SLC15A1: variants seen among roughly 807,000 people sequenced by gnomAD.
SLC15A1 encodes solute carrier family 15 member 1.
In SLC15A1, 83 loss-of-function variants were observed where a neutral mutation model predicts 92.9. The observed-to-expected ratio is 0.89, with a 90% CI of 0.75 to 1.07. SLC15A1 has a LOEUF of 1.07. Among genes scored for constraint, SLC15A1 ranks in the 50% least tolerant of loss-of-function variants. The pLI, the probability that SLC15A1 is intolerant of heterozygous loss-of-function variation, is 0.00. For missense variants in SLC15A1, 857 were observed against 880.1 expected (o/e 0.97, Z 0.33); for synonymous variants, 322 against 318.2 (o/e 1.01, Z -0.13).
At chr13:98,696,434 A>C (rs79581739) in intron 18 of SLC15A1, among the ~76,000 whole-genome samples, 14,658 of 145,798 alleles carry the variant, frequency 0.1, 1,795 homozygotes, top group African/African-American at 0.29. Context: ...ACAACAACAA[A>C]AAAAAACCCA....
intron 1 of SLC15A1, among the ~76,000 whole-genome samples, chr13:98,743,107 A>G (rs1225795217): frequency 6.6e-6 from 1 of 152,124 alleles, no homozygotes; most frequent in African/African-American, 2.4e-5. Flanking sequence ...CACTGCTCAT[A>G]TTGAATTAGG....
chr13:98,729,007 C>CAAAA (rs1176117196), intron 1 of SLC15A1, among the ~76,000 whole-genome samples: 3 of 69,654 alleles, frequency 4.3e-5, no homozygotes, highest in Non-Finnish European at 8.7e-5. Context: ...AAAAAAAAAA[C>CAAAA]AACAAGCCCC....
chr13:98,741,383 C>T (rs1294066267), intron 1 of SLC15A1, among the ~76,000 whole-genome samples: 6 of 152,140 alleles, frequency 3.9e-5, no homozygotes, highest in Non-Finnish European at 5.9e-5. Context: ...GAGGCCAAGG[C>T]GGAGGGATCA....
chr13:98,697,387 C>A (rs2088031352), intron 18 of SLC15A1, among the ~76,000 whole-genome samples: 2 of 152,214 alleles, frequency 1.3e-5, no homozygotes, highest in Non-Finnish European at 2.9e-5. Flanking sequence ...ATAAGCTACT[C>A]AGCCTGTACT....
At chr13:98,733,822 C>G (rs2088368694) in intron 1 of SLC15A1, among the ~76,000 whole-genome samples, 1 of 152,166 alleles carries the variant, frequency 6.6e-6, no homozygotes, top group Non-Finnish European at 1.5e-5. Flanking sequence ...ATGTATGTCC[C>G]CACCAAAATC....
At chr13:98,705,141 G>T (rs1425805171) in intron 16 of SLC15A1, among the ~76,000 whole-genome samples, 1 of 149,840 alleles carries the variant, frequency 6.7e-6, no homozygotes, top group African/African-American at 2.5e-5. Flanking sequence ...AGAGGTTACA[G>T]TGAGCCAAGA....
chr13:98,708,281 G>A (rs2088131864), intron 15 of SLC15A1, among the ~76,000 whole-genome samples: 2 of 152,146 alleles, frequency 1.3e-5, no homozygotes, highest in African/African-American at 4.8e-5. Flanking sequence ...TGGATTAACT[G>A]AGAAACCAAT....
At position 98,702,441 on chromosome 13, in the gene SLC15A1, G is replaced by A. The variant is rs8187826; in HGVS notation, c.1466+39C>T. 4,264 of 1,390,604 alleles carry A rather than the reference G, an allele frequency of 3.1e-3. 116 individuals carry two copies. In the African/African-American group the frequency reaches 0.054, roughly 18 times the overall value. The allele number at this position is 1,390,604 out of a possible 1,614,324, so 86.1% of individuals were successfully genotyped here. ...CTATGGGTATGCATTACTTTCATAA[G>A]AATCTGATAAAACTTAAATTTTAAA... On this transcript the variant is annotated intron_variant, in intron 18 of 22. Transcript: ENST00000376503.
At chr13:98,750,019 A>T (rs1270236806) in intron 1 of SLC15A1, among the ~76,000 whole-genome samples, 3 of 152,030 alleles carry the variant, frequency 2.0e-5, no homozygotes, top group South Asian at 4.2e-4. Flanking sequence ...TCCAGAAGAG[A>T]CTGTCGACCA....
intron 16 of SLC15A1, among the ~76,000 whole-genome samples, chr13:98,705,351 CTG>C (rs2088104518): frequency 6.6e-6 from 1 of 152,118 alleles, no homozygotes; most frequent in Non-Finnish European, 1.5e-5. Flanking sequence ...ATCCTTGGCA[CTG>C]TGAACATTTG....
intron 1 of SLC15A1, among the ~76,000 whole-genome samples, chr13:98,747,436 C>T (rs902299624): frequency 2.0e-5 from 3 of 152,188 alleles, no homozygotes; most frequent in African/African-American, 7.2e-5. Context: ...ACCAGGCCCC[C>T]AGTCATCAGC....
In SLC15A1 at chr13:98,706,145, G is replaced by T; in HGVS notation, c.1258C>A (p.Pro420Thr). ...SLPGEMVTLG[P>T]MSQTNAFMTF... Reference sequence around the variant, plus strand: ...TTCCTTCTACTTACTTGAGACATTGGGCCAAGTGTCACCATCTCTCCAGGA... The same window carrying T: ...TTCCTTCTACTTACTTGAGACATTGTGCCAAGTGTCACCATCTCTCCAGGA... The change falls in exon 16 of 23, where the codon CCA (proline) becomes ACA (threonine). Residue 420 changes from proline to threonine, a missense_variant. Pro to Thr is a conservative substitution (Grantham distance 38). Coordinates refer to ENST00000376503, the MANE Select transcript of SLC15A1 (RefSeq NM_005073.4). 6.2e-7 allele frequency: 1 copy of T among 1,610,752 alleles called. No homozygotes were observed. Among genetic ancestry groups the T allele is most frequent in the South Asian group, 1.1e-5 (1 of 90,078 alleles).
At chr13:98,735,314 C>G (rs572140134) in intron 1 of SLC15A1, among the ~76,000 whole-genome samples, 21 of 152,260 alleles carry the variant, frequency 1.4e-4, no homozygotes, top group East Asian at 1.2e-3. Context: ...TCTCAATAAA[C>G]TAGGTATTGA....
In SLC15A1 at chr13:98,688,370, GA is replaced by G. The variant is rs2087948333; in HGVS notation, c.1575-15del. ...GTGAAGCCTTTTCTATCAAAATAAA[GA>G]ATAATATTGGTTAACATTCTTGGCA... On this transcript the variant is annotated splice_polypyrimidine_tract_variant and intron_variant, in intron 19 of 22. Transcript: ENST00000376503. 4 of 1,609,322 alleles carry G rather than the reference GA, an allele frequency of 2.5e-6. No homozygotes were observed. The highest frequency in any genetic ancestry group is 2.5e-6 in the Non-Finnish European group (3 of 1,176,738).
chr13:98,727,217 G>A (rs1265103768), intron 1 of SLC15A1, among the ~76,000 whole-genome samples: 1 of 152,118 alleles, frequency 6.6e-6, no homozygotes, highest in East Asian at 1.9e-4. Flanking sequence ...TGTTTTGGTG[G>A]GGATGAAATT....
intron 8 of SLC15A1, among the ~76,000 whole-genome samples, chr13:98,717,258 T>A (rs1282686913): frequency 6.6e-6 from 1 of 152,220 alleles, no homozygotes; most frequent in Non-Finnish European, 1.5e-5. Flanking sequence ...AAGAGATGTT[T>A]ACTTATATTC....
intron 18 of SLC15A1, among the ~76,000 whole-genome samples, chr13:98,699,237 G>A (rs1187443488): frequency 1.3e-5 from 2 of 152,164 alleles, no homozygotes; most frequent in Non-Finnish European, 2.9e-5. Flanking sequence ...GACTGGGCAA[G>A]AGAACAATTT....
intron 15 of SLC15A1, among the ~76,000 whole-genome samples, chr13:98,707,492 GA>G (rs1374214328): frequency 6.6e-6 from 1 of 152,214 alleles, no homozygotes; most frequent in African/African-American, 2.4e-5. Context: ...TGGGGCTAGG[GA>G]AAGGGGAAAT....
intron 4 of SLC15A1, among the ~76,000 whole-genome samples, chr13:98,724,490 C>T (rs540783009): frequency 1.5e-4 from 23 of 152,184 alleles, no homozygotes; most frequent in South Asian, 2.1e-4. Flanking sequence ...AGTGACAGAG[C>T]GAGACCCTGT....
Sources: allele counts gnomAD v4.1 joint callset (sites outside exome capture counted in the v4.1 genomes callset), GRCh38; gene constraint gnomAD v4.1.1; transcripts MANE v1.5; gene names NCBI Gene and HGNC (gene_info 2026-07-23, HGNC 2026-07-21).